The following COL4A1 variants were observed in gnomAD, a reference collection of about 807,000 sequenced individuals.
The protein encoded by COL4A1 is collagen alpha-1(IV) chain.
A neutral mutation model predicts 216.6 loss-of-function variants in COL4A1; 40 were observed. That is an observed-to-expected ratio of 0.18 (90% CI 0.14 to 0.24). COL4A1 has a LOEUF of 0.24. COL4A1 is among the 10% of genes least tolerant of loss of function. The pLI is 1.00. For missense variants in COL4A1, 1,628 were observed against 2,196.8 expected, an observed-to-expected ratio of 0.74 and a Z score of 5.18; for synonymous variants, 839 against 810.7, an observed-to-expected ratio of 1.03 and a Z score of -0.59.
At position 110,174,511 on chromosome 13, in the gene COL4A1, G is replaced by T; in HGVS notation, c.3341C>A (p.Pro1114His). Residue 1114 changes from proline (P) to histidine (H), a missense_variant, in exon 39 of 52, where the codon CCT becomes CAT. Physicochemically the swap from Pro to His is moderately conservative, Grantham distance 77. Transcript: ENST00000375820. The stretch of plus-strand genomic sequence containing the variant: ...GAGGCCTTTGTCACCTTTTTCTCCA[G>T]GTAGCCCAGGACTTCCTAAAGAAAA... The part of the protein sequence containing the change: ...SVGYPGSPGL[P>H]GEKGDKGLPG... 6.2e-7 allele frequency: 1 copy of T among 1,614,054 alleles called. No individual in the cohort carries two copies. Among genetic ancestry groups the T allele is most frequent in the African/African-American group, 1.3e-5 (1 of 74,996 alleles).
intron 1 of COL4A1, among the ~76,000 whole-genome samples, chr13:110,269,884 C>A (rs565013515): frequency 3.3e-4 from 50 of 152,016 alleles, no homozygotes; most frequent in Non-Finnish European, 6.2e-4. Flanking sequence ...GGGTCTGAAG[C>A]CTCACATACA....
intron 39 of COL4A1, 63 bp downstream of exon 39, chr13:110,174,383 C>G: frequency 1.9e-6 from 3 of 1,571,114 alleles, no homozygotes; most frequent in Non-Finnish European, 2.6e-6. Flanking sequence ...CTCCTTGGGG[C>G]CTCCCATCCC....
At chr13:110,237,028 G>A (rs1881346349) in intron 2 of COL4A1, among the ~76,000 whole-genome samples, 1 of 152,112 alleles carries the variant, frequency 6.6e-6, no homozygotes, top group East Asian at 1.9e-4. Flanking sequence ...ACAGGAACTG[G>A]GAGGTCTGCC....
At chr13:110,248,614 C>T (rs889059633) in intron 1 of COL4A1, among the ~76,000 whole-genome samples, 1 of 152,230 alleles carries the variant, frequency 6.6e-6, no homozygotes, top group Non-Finnish European at 1.5e-5. Context: ...GCCTCAGCCT[C>T]CCGAGTGGCT....
intron 20 of COL4A1, among the ~76,000 whole-genome samples, chr13:110,199,856 C>T (rs1296260497): frequency 1.3e-5 from 2 of 152,084 alleles, no homozygotes; most frequent in African/African-American, 2.4e-5. Flanking sequence ...CACACATTTC[C>T]GAGAATCCAA....
At chr13:110,242,555 G>GA in intron 2 of COL4A1, 120 bp downstream of exon 2, 1 of 1,141,838 alleles carries the variant, frequency 8.8e-7, no homozygotes, top group Non-Finnish European at 1.3e-6. Flanking sequence ...TTGCTCTGGG[G>GA]AAATTATCAA....
chr13:110,256,587 C>T (rs1041741516), intron 1 of COL4A1, among the ~76,000 whole-genome samples: 4 of 152,122 alleles, frequency 2.6e-5, no homozygotes, highest in African/African-American at 7.2e-5. Flanking sequence ...GAAATGAGAA[C>T]GTGCACAGGG....
intron 40 of COL4A1, among the ~76,000 whole-genome samples, 186 bp downstream of exon 40, chr13:110,173,714 T>C (rs1288609330): frequency 6.6e-6 from 1 of 152,114 alleles, no homozygotes; most frequent in Non-Finnish European, 1.5e-5. Context: ...TAAATACCCC[T>C]TCCCTTCTTC....
chr13:110,231,053 G>A (rs1160681675), intron 2 of COL4A1, among the ~76,000 whole-genome samples: 1 of 152,234 alleles, frequency 6.6e-6, no homozygotes, highest in East Asian at 1.9e-4. Flanking sequence ...AGAACCTGGA[G>A]ACAGGGTGCT....
chr13:110,199,977 TG>T (rs1211958697), intron 20 of COL4A1, among the ~76,000 whole-genome samples: 1 of 152,018 alleles, frequency 6.6e-6, no homozygotes, highest in Non-Finnish European at 1.5e-5. Flanking sequence ...GCGTGGGCTG[TG>T]TGGGGTGTCG....
At chr13:110,250,658 C>A (rs1882031806) in intron 1 of COL4A1, among the ~76,000 whole-genome samples, 1 of 152,118 alleles carries the variant, frequency 6.6e-6, no homozygotes, top group African/African-American at 2.4e-5. Context: ...TCAGTGGTTC[C>A]TTGGATGGCT....
intron 10 of COL4A1, chr13:110,209,700 G>A: frequency 1.5e-6 from 1 of 678,064 alleles, no homozygotes; most frequent in Non-Finnish European, 2.7e-6. Context: ...CACAGGCTGT[G>A]ACTATCAGCA....
chr13:110,249,487 C>T (rs975763156), intron 1 of COL4A1, among the ~76,000 whole-genome samples: 6 of 152,070 alleles, frequency 3.9e-5, no homozygotes, highest in Admixed American at 6.6e-5. Flanking sequence ...CTACAGCACC[C>T]GCAGCAAGCT....
At chr13:110,166,457 A>G (rs561788202) in intron 44 of COL4A1, among the ~76,000 whole-genome samples, 154 bp from the exon 45 acceptor site, 1 of 152,328 alleles carries the variant, frequency 6.6e-6, no homozygotes, top group East Asian at 1.9e-4. Flanking sequence ...ATGCATACCC[A>G]TATATACACA....
intron 1 of COL4A1, among the ~76,000 whole-genome samples, chr13:110,301,424 C>T (rs908766580): frequency 6.6e-6 from 1 of 152,232 alleles, no homozygotes; most frequent in Non-Finnish European, 1.5e-5. Context: ...AGCCATGTGG[C>T]AGCAACCACA....
Position 110,174,504 on chromosome 13 carries a change from T to C in COL4A1, c.3348A>G (p.Glu1116=), listed in dbSNP as rs1352625373. 3 of 1,614,156 alleles carry C rather than the reference T, an allele frequency of 1.9e-6. No individual in the cohort carries two copies. The highest frequency in any genetic ancestry group is 2.5e-6 in the Non-Finnish European group (3 of 1,180,028). Residue 1116 remains glutamate, a synonymous_variant, in exon 39 of 52, where the codon GAA becomes GAG. Transcript: ENST00000375820. The part of the protein sequence containing the change: ...GYPGSPGLPG[E]KGDKGLPGLD... ...ATCCTGGGAGGCCTTTGTCACCTTT[T>C]TCTCCAGGTAGCCCAGGACTTCCTA...
intron 1 of COL4A1, among the ~76,000 whole-genome samples, chr13:110,256,696 G>C (rs636138): frequency 0.11 from 17,395 of 152,190 alleles, 1,314 homozygotes; most frequent in Middle Eastern, 0.23. Context: ...TGAGGGGTTT[G>C]CATCCACTTT....
chr13:110,274,274 A>T (rs189491310), intron 1 of COL4A1, among the ~76,000 whole-genome samples: 60 of 152,294 alleles, frequency 3.9e-4, no homozygotes, highest in Middle Eastern at 3.4e-3. Context: ...CTCAACTTTA[A>T]GTCAATGAAA....
intron 2 of COL4A1, among the ~76,000 whole-genome samples, chr13:110,214,894 G>A (rs575444652): frequency 6.6e-6 from 1 of 152,320 alleles, no homozygotes; most frequent in South Asian, 2.1e-4. Context: ...AGATAGCAAC[G>A]ACTACTTCAG....
Sources: allele counts gnomAD v4.1 joint callset (sites outside exome capture counted in the v4.1 genomes callset), GRCh38; gene constraint gnomAD v4.1.1; transcripts MANE v1.5; gene names NCBI Gene and HGNC (gene_info 2026-07-23, HGNC 2026-07-21).